The following JAK1 variants were observed in gnomAD, a reference collection of about 807,000 sequenced individuals.
JAK1 encodes tyrosine-protein kinase JAK1.
A neutral mutation model predicts 136.6 loss-of-function variants in JAK1; 16 were observed. The ratio of observed to expected loss-of-function variants is 0.12; its 90% CI spans 0.08 to 0.18. JAK1 has a LOEUF of 0.18. Ranked by LOEUF, JAK1 falls within the 10% of genes least tolerant of loss-of-function variation. The pLI, the probability that JAK1 is intolerant of heterozygous loss-of-function variation, is 1.00. For missense variants in JAK1, 859 were observed against 1,450.1 expected, an observed-to-expected ratio of 0.59 and a Z score of 6.62; for synonymous variants, 492 against 519.5, an observed-to-expected ratio of 0.95 and a Z score of 0.72.
At position 64,973,187 on chromosome 1, in the gene JAK1, A is replaced by AAAAGAAAG. The variant is rs144209441; in HGVS notation, c.-78+71285_-78+71292dup. On this transcript the variant is annotated intron_variant, in intron 2 of 25. Coordinates refer to the JAK1 transcript ENST00000671954. ...AGGAAGAAAAAGAAAGAAAGAAAGAAAAAGAAAGAAAGAAAGGAAAAGAAA... is the reference window on the plus strand; with the variant it reads ...AGGAAGAAAAAGAAAGAAAGAAAGAAAAAGAAAGAAAGAAAGAAAGAAAGGAAAAGAAA... 146 of 147,284 alleles carry AAAAGAAAG rather than the reference A, an allele frequency of 9.9e-4. 1 individual carries two copies. The highest frequency in any genetic ancestry group is 3.5e-3 in the African/African-American group (135 of 39,094). 9.1% of individuals were successfully genotyped at this position (147,284 alleles called of 1,614,324 possible).
intron 2 of JAK1, among the ~76,000 whole-genome samples, chr1:65,032,519 C>A (rs1345124848): frequency 4.0e-5 from 6 of 151,514 alleles, no homozygotes; most frequent in African/African-American, 9.7e-5. Context: ...ACAACAACAA[C>A]AACAAAAAAA....
chr1:64,972,244 T>C (rs1363542004), intron 2 of JAK1: 1 of 152,220 alleles, frequency 6.6e-6, no homozygotes, highest in Non-Finnish European at 1.5e-5. Context: ...TTAACTTCTT[T>C]AATAAATGTA....
intron 1 of JAK1, among the ~76,000 whole-genome samples, chr1:64,928,555 A>C (rs1011757008): frequency 1.3e-5 from 2 of 152,130 alleles, no homozygotes; most frequent in African/African-American, 2.4e-5. Context: ...AGGAGTCCTA[A>C]CTGCTCAGCA....
intron 1 of JAK1, among the ~76,000 whole-genome samples, chr1:65,048,888 C>T (rs537923561): frequency 6.6e-6 from 1 of 152,324 alleles, no homozygotes; most frequent in African/African-American, 2.4e-5. Context: ...TTTCTGCTTT[C>T]CCAAGGGAAA....
intron 2 of JAK1, chr1:64,989,839 A>G (rs1253102704): frequency 1.3e-5 from 2 of 152,228 alleles, no homozygotes; most frequent in Non-Finnish European, 2.9e-5. Context: ...CAGAAAAGAC[A>G]TGATTAAAAA....
chr1:65,062,639 T>G (rs1387963651), intron 1 of JAK1, among the ~76,000 whole-genome samples: 1 of 152,350 alleles, frequency 6.6e-6, no homozygotes, highest in South Asian at 2.1e-4. Flanking sequence ...TTCTACTAAC[T>G]AGTAACACAT....
intron 1 of JAK1, among the ~76,000 whole-genome samples, chr1:64,933,570 C>A (rs1342483969): frequency 6.6e-6 from 1 of 152,220 alleles, no homozygotes; most frequent in African/African-American, 2.4e-5. Flanking sequence ...CCTCAGCAAT[C>A]TCTGCCATGG....
chr1:64,929,339 A>G (rs1278888581), intron 1 of JAK1, among the ~76,000 whole-genome samples: 3 of 152,218 alleles, frequency 2.0e-5, no homozygotes, highest in African/African-American at 7.2e-5. Context: ...AGTTCCCCCT[A>G]TTCATCTTTC....
intron 10 of JAK1, 143 bp from the exon 11 acceptor site, chr1:64,855,841 A>G: frequency 1.5e-6 from 1 of 657,586 alleles, no homozygotes; most frequent in Non-Finnish European, 2.5e-6. Flanking sequence ...TTATTCAAAA[A>G]TAAAGTTTAT....
At chr1:64,978,941 C>T (rs1038744945) in intron 2 of JAK1, among the ~76,000 whole-genome samples, 8 of 151,416 alleles carry the variant, frequency 5.3e-5, no homozygotes, top group African/African-American at 1.9e-4. Flanking sequence ...TTTTATGATA[C>T]CTATCAGCAT....
chr1:64,858,570 G>A (rs772779487), intron 9 of JAK1, among the ~76,000 whole-genome samples: 3 of 152,202 alleles, frequency 2.0e-5, no homozygotes, highest in Non-Finnish European at 4.4e-5. Flanking sequence ...CTTTAGGCAA[G>A]GAATGTCAGC....
At chr1:65,021,421 ATG>A (rs1457493720) in intron 2 of JAK1, among the ~76,000 whole-genome samples, 17 of 152,060 alleles carry the variant, frequency 1.1e-4, no homozygotes, top group Non-Finnish European at 2.9e-5. Context: ...CTTCAGCAGG[ATG>A]TGTTTTACCT....
chr1:64,888,961 G>A (rs1046949352), intron 1 of JAK1, among the ~76,000 whole-genome samples: 1 of 152,318 alleles, frequency 6.6e-6, no homozygotes, highest in East Asian at 1.9e-4. Flanking sequence ...ACTGTTCTAA[G>A]CACTTTAAAC....
intron 1 of JAK1, among the ~76,000 whole-genome samples, chr1:64,959,283 G>A (rs1646243012): frequency 1.3e-5 from 2 of 152,198 alleles, no homozygotes; most frequent in South Asian, 4.1e-4. Flanking sequence ...CTATGATTAG[G>A]AGGAAGGGCC....
intron 1 of JAK1, among the ~76,000 whole-genome samples, chr1:65,045,147 T>G (rs1647172949): frequency 6.6e-6 from 1 of 152,228 alleles, no homozygotes; most frequent in Non-Finnish European, 1.5e-5. Flanking sequence ...CATGAGTTCT[T>G]GTATTGGGTC....
chr1:64,868,102 A>G (rs2101121757), intron 6 of JAK1, among the ~76,000 whole-genome samples: 1 of 152,292 alleles, frequency 6.6e-6, no homozygotes, highest in East Asian at 1.9e-4. Flanking sequence ...GTGAATATGA[A>G]TCAGATATAT....
chr1:64,944,221 CAAA>C (rs771660692), intron 1 of JAK1, among the ~76,000 whole-genome samples: 5 of 63,394 alleles, frequency 7.9e-5, no homozygotes, highest in African/African-American at 1.1e-4. Flanking sequence ...GACTCTGTCT[CAAA>C]AAAAAAAAAA....
At chr1:64,890,325 C>T (rs1049497588) in intron 1 of JAK1, among the ~76,000 whole-genome samples, 7 of 151,714 alleles carry the variant, frequency 4.6e-5, no homozygotes, top group African/African-American at 1.7e-4. Context: ...TCGGTAACAG[C>T]TGTAAATGAA....
chr1:64,990,556 C>T (rs1646645565), intron 2 of JAK1: 1 of 151,870 alleles, frequency 6.6e-6, no homozygotes, highest in South Asian at 2.1e-4. Context: ...ATTCAAAAGT[C>T]CAGTTTTCAA....
Sources: gnomAD v4.1 joint callset for allele counts (sites outside exome capture counted in the v4.1 genomes callset) on GRCh38, gnomAD v4.1.1 for gene constraint, MANE v1.5 for transcripts, NCBI Gene and HGNC (gene_info 2026-07-23, HGNC 2026-07-21) for gene names.